Variants in JAKMIP1 observed in about 807,000 individuals in gnomAD.
JAKMIP1 encodes janus kinase and microtubule interacting protein 1.
JAKMIP1 carries 33 observed loss-of-function variants against 113.0 expected under a neutral mutation model. The observed-to-expected ratio is 0.29, with a 90% CI of 0.22 to 0.39. The LOEUF (loss-of-function observed/expected upper bound fraction) is 0.39, where lower values mean the gene tolerates loss of function less well. Among genes scored for constraint, JAKMIP1 ranks in the 10% least tolerant of loss-of-function variants. The probability of loss-of-function intolerance (pLI) is 1.00; values close to 1 mark genes in which losing one functional copy is unlikely to be tolerated. For synonymous variants in JAKMIP1, 480 were observed against 459.9 expected, an observed-to-expected ratio of 1.04 and a Z score of -0.56; for missense variants, 813 against 1,080.5, an observed-to-expected ratio of 0.75 and a Z score of 3.47.
chr4:6,152,226 G>A (rs149630760), intron 1 of JAKMIP1, among the ~76,000 whole-genome samples: 34 of 152,280 alleles, frequency 2.2e-4, no homozygotes, highest in African/African-American at 8.2e-4. Flanking sequence ...AGCAAACGCT[G>A]CTCTAAATGG....
rs903429620 is a variant in JAKMIP1 at position 6,183,426 on chromosome 4, C to T, written c.-148+16827G>A. ...CCTGGGAGGCAGAGGTTACAGTGAGCCAAGATCATGCCATTGCACTCCAGC... is the reference window on the plus strand; with the variant it reads ...CCTGGGAGGCAGAGGTTACAGTGAGTCAAGATCATGCCATTGCACTCCAGC... On this transcript the variant is annotated intron_variant, in intron 1 of 20. Transcript: ENST00000409021. This position sits in a 1 kb window ranked among gnomAD's most constrained non-coding sequence, Gnocchi z 5.3. Among the ~76,000 whole-genome samples the T allele has an allele frequency of 2.0e-5, 3 of 150,354 alleles. No individual in the cohort carries two copies.
intron 1 of JAKMIP1, among the ~76,000 whole-genome samples, chr4:6,159,842 T>G (rs1010976439): frequency 2.6e-5 from 4 of 152,188 alleles, no homozygotes; most frequent in Non-Finnish European, 4.4e-5. Flanking sequence ...AAGATGGGCC[T>G]GGCAAGAGAC....
chr4:6,147,548 C>A (rs980296827), intron 1 of JAKMIP1, among the ~76,000 whole-genome samples: 4 of 152,198 alleles, frequency 2.6e-5, no homozygotes, highest in Admixed American at 6.5e-5. Flanking sequence ...TTGTGTCACT[C>A]CTATGACTAG....
In JAKMIP1 at chr4:6,093,407, G is replaced by A. The variant is rs1722358038; in HGVS notation, c.625-7778C>T. Among the ~76,000 whole-genome samples the A allele has an allele frequency of 1.3e-5, 2 of 152,078 alleles. No homozygotes were observed. On this transcript the variant is annotated intron_variant, in intron 3 of 20. Transcript: ENST00000409021. The surrounding 1 kb of genome is among the most constrained non-coding windows in gnomAD (Gnocchi z 4.6). ...CTGCCCAGGGCTATATGTGTTCTTGGGCCATTCTGACTGACAGCAAATTTC... is the reference window on the plus strand; with the variant it reads ...CTGCCCAGGGCTATATGTGTTCTTGAGCCATTCTGACTGACAGCAAATTTC...
intron 1 of JAKMIP1, among the ~76,000 whole-genome samples, chr4:6,191,922 T>TTTATTTA (rs1553866655): frequency 4.3e-4 from 64 of 149,312 alleles, no homozygotes; most frequent in Non-Finnish European, 8.2e-4. Context: ...ATTTTATTTA[T>TTTATTTA]TTATTTATTT....
In JAKMIP1 at chr4:6,139,569, C is replaced by G. The variant is rs1184282739; in HGVS notation, c.-147-26572G>C. Among the ~76,000 whole-genome samples the G allele has an allele frequency of 6.6e-6, 1 of 151,992 alleles. No homozygotes were observed. Among genetic ancestry groups the G allele is most frequent in the African/African-American group, 2.4e-5 (1 of 41,318 alleles). On this transcript the variant is annotated intron_variant, in intron 1 of 20. Transcript: ENST00000409021. The surrounding 1 kb of genome is among the most constrained non-coding windows in gnomAD (Gnocchi z 5.2). ...GATCACAAAGTCAGGAGTTCGAGAC[C>G]AACCTGGCCAACATAGTGAAACCCC... is the stretch of plus-strand genomic sequence containing the variant.
In JAKMIP1 at chr4:6,139,856, G is replaced by A. The variant is rs762874348; in HGVS notation, c.-147-26859C>T. ...ACAAAGGAGAACACCATGTGACGAC[G>A]AAGGAGGAGGTCACGGGGCAGATTC... On this transcript the variant is annotated intron_variant, in intron 1 of 20. Transcript: ENST00000409021. This position sits in a 1 kb window ranked among gnomAD's most constrained non-coding sequence, Gnocchi z 5.2. Among the ~76,000 whole-genome samples, 55 of 152,048 alleles carry A rather than the reference G, an allele frequency of 3.6e-4. 1 individual carries two copies. Among genetic ancestry groups the A allele is most frequent in the Admixed American group, 2.6e-4 (4 of 15,272 alleles).
In JAKMIP1 at chr4:6,069,256, T is replaced by A. The variant is rs1015724714; in HGVS notation, c.1303-4248A>T. ...AATGGCAAACATGAAAGAAACTTCA[T>A]TTTTTTGTGTCTCCACTCTTCTAAG... On this transcript the variant is annotated intron_variant, in intron 8 of 20. Coordinates refer to ENST00000409021, the MANE Select transcript of JAKMIP1 (RefSeq NM_001099433.2). The surrounding 1 kb of genome is among the most constrained non-coding windows in gnomAD (Gnocchi z 4.5). Among the ~76,000 whole-genome samples, 3 of 152,196 alleles carry A rather than the reference T, an allele frequency of 2.0e-5. No individual in the cohort carries two copies. The highest frequency in any genetic ancestry group is 3.8e-4 in the East Asian group (2 of 5,200).
At chr4:6,048,681 G>A (rs1715288003) in intron 16 of JAKMIP1, among the ~76,000 whole-genome samples, 176 bp downstream of exon 16, 1 of 152,244 alleles carries the variant, frequency 6.6e-6, no homozygotes, top group South Asian at 2.1e-4. Flanking sequence ...GTTTTCTACA[G>A]TGAGCATGTG....
intron 1 of JAKMIP1, among the ~76,000 whole-genome samples, chr4:6,125,522 A>T (rs1717300195): frequency 6.6e-6 from 1 of 152,012 alleles, no homozygotes; most frequent in South Asian, 2.1e-4. Context: ...GGAGAGGGTG[A>T]TTCTGTGCAT....
chr4:6,131,408 T>A (rs1327038418), intron 1 of JAKMIP1, among the ~76,000 whole-genome samples: 1 of 148,894 alleles, frequency 6.7e-6, no homozygotes, highest in African/African-American at 2.5e-5. Context: ...GCATATCATA[T>A]GCAAACTGCA....
At position 6,026,851 on chromosome 4, in the gene JAKMIP1, A is replaced by G. The variant is rs1300270192; in HGVS notation, c.2446-573T>C. On this transcript the variant is annotated intron_variant, in intron 20 of 20. Transcript: ENST00000409021. ...CAAATGTAAACTTTCTTAAAACATT[A>G]TGGAATTTCTTTGCATTTTTTTTTT... Among the ~76,000 whole-genome samples, 3 of 140,324 alleles carry G rather than the reference A, an allele frequency of 2.1e-5. No individual in the cohort carries two copies. In the Admixed American group the frequency reaches 2.2e-4, roughly 10 times the overall value. The allele number at this position is 140,324 out of a possible 152,430, so 92.1% of individuals were successfully genotyped here.
rs946267799 is a variant in JAKMIP1 at position 6,103,341 on chromosome 4, A to G, written c.624+2132T>C. ...ATTTTAGAATATGAAGCCAATCTTT[A>G]TATTTTCAGAATAAACCCAGCTGGG... is the stretch of plus-strand genomic sequence containing the variant. On this transcript the variant is annotated intron_variant, in intron 3 of 20. Coordinates refer to ENST00000409021, the MANE Select transcript of JAKMIP1 (RefSeq NM_001099433.2). Among the ~76,000 whole-genome samples, 4 of 152,184 alleles carry G rather than the reference A, an allele frequency of 2.6e-5. No individual in the cohort carries two copies. The East Asian group carries it at 7.7e-4, about 29-fold the overall frequency.
In JAKMIP1 at chr4:6,153,895, T is replaced by C. The variant is rs1423075858; in HGVS notation, c.-147-40898A>G. Reference sequence around the variant, plus strand: ...TCGCAACACTGGTGAGCACTCTCACTGAGAAATGCGGAACCAGCTACCCGC... The same window carrying C: ...TCGCAACACTGGTGAGCACTCTCACCGAGAAATGCGGAACCAGCTACCCGC... On this transcript the variant is annotated intron_variant, in intron 1 of 20. Transcript: ENST00000409021. This position sits in a 1 kb window ranked among gnomAD's most constrained non-coding sequence, Gnocchi z 4.9. 1.3e-5 allele frequency among the ~76,000 whole-genome samples: 2 copies of C among 152,232 alleles called. No individual in the cohort carries two copies. The highest frequency in any genetic ancestry group is 4.8e-5 in the African/African-American group (2 of 41,460).
rs1038217371 is a variant in JAKMIP1 at position 6,138,161 on chromosome 4, T to G, written c.-147-25164A>C. Among the ~76,000 whole-genome samples the G allele has an allele frequency of 2.0e-5, 3 of 152,250 alleles. No homozygotes were observed. The highest frequency in any genetic ancestry group is 4.4e-5 in the Non-Finnish European group (3 of 68,038). ...GCTCCGTCCCTCTACTTAAAGTAGCTGGACAGAGTGGCTTCTGTTATCTGC... is the reference window on the plus strand; with the variant it reads ...GCTCCGTCCCTCTACTTAAAGTAGCGGGACAGAGTGGCTTCTGTTATCTGC... On this transcript the variant is annotated intron_variant, in intron 1 of 20. Transcript: ENST00000409021. The surrounding 1 kb of genome is among the most constrained non-coding windows in gnomAD (Gnocchi z 6.0).
intron 1 of JAKMIP1, among the ~76,000 whole-genome samples, chr4:6,165,981 T>G (rs902518961): frequency 2.6e-5 from 4 of 152,108 alleles, no homozygotes; most frequent in African/African-American, 9.7e-5. Context: ...CCGGCATTTC[T>G]GGGTTCGCGG....
chr4:6,127,967 A>C (rs73795738), intron 1 of JAKMIP1, among the ~76,000 whole-genome samples: 4,244 of 151,920 alleles, frequency 0.028, 179 homozygotes, highest in African/African-American at 0.09. Context: ...TTCCCATCCC[A>C]CCACCCCCAT....
intron 11 of JAKMIP1, among the ~76,000 whole-genome samples, chr4:6,057,228 C>G (rs969535555): frequency 1.3e-5 from 2 of 152,230 alleles, no homozygotes; most frequent in African/African-American, 4.8e-5. Flanking sequence ...TCCGTCTTGT[C>G]GCTGTGGCAC....
chr4:6,125,849 C>CATACA (rs1560230993), intron 1 of JAKMIP1, among the ~76,000 whole-genome samples: 1 of 32,382 alleles, frequency 3.1e-5, no homozygotes, highest in Non-Finnish European at 5.0e-5. Flanking sequence ...ACACACACAC[C>CATACA]CCCCATACAG....
Sources: allele counts gnomAD v4.1 joint callset (sites outside exome capture counted in the v4.1 genomes callset), GRCh38; gene constraint gnomAD v4.1.1; non-coding constraint Gnocchi (gnomAD v3.1); transcripts MANE v1.5; gene names NCBI Gene and HGNC (gene_info 2026-07-23, HGNC 2026-07-21).